The following GSG1L variants were observed in gnomAD, a reference collection of about 807,000 sequenced individuals.
The protein encoded by GSG1L is GSG1 like.
GSG1L carries 24 observed loss-of-function variants against 42.1 expected under a neutral mutation model. That is an observed-to-expected ratio of 0.57 (90% CI 0.41 to 0.80). GSG1L has a LOEUF of 0.80. Among genes scored for constraint, GSG1L ranks in the 30% least tolerant of loss-of-function variants. The probability of loss-of-function intolerance (pLI) is 0.00; values close to 1 mark genes in which losing one functional copy is unlikely to be tolerated. For missense variants in GSG1L, 445 were observed against 472.2 expected (o/e 0.94, Z 0.53); for synonymous variants, 215 against 203.5 (o/e 1.06, Z -0.48).
intron 1 of GSG1L, among the ~76,000 whole-genome samples, chr16:27,985,793 A>C (rs2085375462): frequency 6.6e-6 from 1 of 152,224 alleles, no homozygotes; most frequent in Non-Finnish European, 1.5e-5. Context: ...AGATCGCACC[A>C]TTGCACTCCA....
chr16:27,892,602 A>G (rs560043535), intron 2 of GSG1L, among the ~76,000 whole-genome samples: 38 of 152,092 alleles, frequency 2.5e-4, no homozygotes, highest in African/African-American at 7.2e-4. Flanking sequence ...CGTCTCTACT[A>G]AAAATACAGA....
At chr16:27,883,489 C>T (rs12930539) in intron 3 of GSG1L, among the ~76,000 whole-genome samples, 92,809 of 152,026 alleles carry the variant, frequency 0.61, 28,870 homozygotes, top group Admixed American at 0.73. Flanking sequence ...TGTGCTCTAA[C>T]TTCTTGAATG....
intron 3 of GSG1L, among the ~76,000 whole-genome samples, chr16:27,882,940 T>TA (rs201507337): frequency 1.4e-4 from 22 of 151,858 alleles, no homozygotes; most frequent in Non-Finnish European, 2.1e-4. Context: ...ACCCTATCTC[T>TA]AAAAAAAATT....
intron 2 of GSG1L, among the ~76,000 whole-genome samples, chr16:27,947,418 A>AAGAAAGAAAGAAAGAG (rs1567530573): frequency 2.0e-5 from 3 of 148,904 alleles, no homozygotes; most frequent in African/African-American, 7.6e-5. Flanking sequence ...GAAAGAAAGA[A>AAGAAAGAAAGAAAGAG]AGAAAGAAAG....
At position 28,063,300 on chromosome 16, in the gene GSG1L, G is replaced by T. The variant is rs1256603766; in HGVS notation, c.125C>A (p.Pro42Gln). 2 of 1,383,676 alleles carry T rather than the reference G, an allele frequency of 1.4e-6. No individual in the cohort carries two copies. Among genetic ancestry groups the T allele is most frequent in the Non-Finnish European group, 1.9e-6 (2 of 1,059,874 alleles). 85.7% of individuals were successfully genotyped at this position (1,383,676 alleles called of 1,614,324 possible). Residue 42 changes from proline (P) to glutamine (Q), a missense_variant, in exon 1 of 7, where the codon CCG becomes CAG. Coordinates refer to ENST00000447459, the MANE Select transcript of GSG1L (RefSeq NM_001109763.2). The surrounding 1 kb of genome is among the most constrained non-coding windows in gnomAD (Gnocchi z 5.8). ...WCQGTQRVPKPGCGQGGRANC... is the reference protein window; with the variant it reads ...WCQGTQRVPKQGCGQGGRANC... ...GGCGCGCCCGCCCTGGCCGCAGCCC[G>T]GCTTGGGGACCCGCTGCGTGCCCTG...
At chr16:28,027,184 T>C (rs1021252897) in intron 1 of GSG1L, among the ~76,000 whole-genome samples, 1 of 152,166 alleles carries the variant, frequency 6.6e-6, no homozygotes, top group Non-Finnish European at 1.5e-5. Flanking sequence ...TCCCCTATTC[T>C]GGAAACATAT....
Position 27,794,276 on chromosome 16 carries a change from C to T in GSG1L, c.899-2809G>A, listed in dbSNP as rs537433613. ...CAGGTTATCTTCCCGCCTCAGCCTC[C>T]CAAAGCCCTGGAATTACAGGTGTGA... On this transcript the variant is annotated intron_variant, in intron 6 of 6. Transcript: ENST00000447459. Among the ~76,000 whole-genome samples the T allele has an allele frequency of 1.7e-3, 255 of 152,222 alleles. No individual in the cohort carries two copies. In the Middle Eastern group the frequency reaches 0.02, roughly 12 times the overall value.
intron 2 of GSG1L, among the ~76,000 whole-genome samples, chr16:27,946,460 G>C (rs367604446): frequency 3.3e-5 from 5 of 151,136 alleles, no homozygotes; most frequent in Non-Finnish European, 5.9e-5. Flanking sequence ...CAAAAGAATC[G>C]CTTGAGCCCA....
chr16:28,029,055 G>T (rs1018617343), intron 1 of GSG1L, among the ~76,000 whole-genome samples: 4 of 152,182 alleles, frequency 2.6e-5, no homozygotes, highest in African/African-American at 7.2e-5. Flanking sequence ...CCTAACACGG[G>T]ATCAGGAGCT....
chr16:27,945,792 C>T (rs777837515), intron 2 of GSG1L, among the ~76,000 whole-genome samples: 5 of 152,228 alleles, frequency 3.3e-5, no homozygotes, highest in Non-Finnish European at 5.9e-5. Flanking sequence ...CTCTGCTCCC[C>T]GTGCAGGCTG....
rs757240668 is a variant in GSG1L, at chr16:28,063,047, C to A, written c.349+29G>T. 4.3e-6 allele frequency: 6 copies of A among 1,384,330 alleles called. No homozygotes were observed. Among genetic ancestry groups the A allele is most frequent in the Admixed American group, 2.8e-5 (1 of 35,112 alleles). 85.8% of individuals were successfully genotyped at this position (1,384,330 alleles called of 1,614,324 possible). A position where few individuals can be genotyped will look rare whatever the true frequency, so the allele number is the denominator to read the frequency against. On this transcript the variant is annotated intron_variant, in intron 1 of 6. Transcript: ENST00000447459. The surrounding 1 kb of genome is among the most constrained non-coding windows in gnomAD (Gnocchi z 5.8). Reference sequence around the variant, plus strand: ...CGCGCCGCCCCGGGGGAGCCGGAGCCGAGCTGGCCGCCGCCCGCGCGCACT... The same window carrying A: ...CGCGCCGCCCCGGGGGAGCCGGAGCAGAGCTGGCCGCCGCCCGCGCGCACT...
chr16:27,961,981 G>T (rs577915706), intron 2 of GSG1L, among the ~76,000 whole-genome samples: 1 of 152,144 alleles, frequency 6.6e-6, no homozygotes, highest in Non-Finnish European at 1.5e-5. Flanking sequence ...CAGGACACAT[G>T]GTGCCCTTCT....
Position 28,046,322 on chromosome 16 carries a change from A to C in GSG1L, c.349+16754T>G, listed in dbSNP as rs532423995. Among the ~76,000 whole-genome samples, 26 of 142,238 alleles carry C rather than the reference A, an allele frequency of 1.8e-4. No individual in the cohort carries two copies. In the East Asian group the frequency reaches 4.7e-3, roughly 26 times the overall value. 93.3% of individuals were successfully genotyped at this position (142,238 alleles called of 152,430 possible). A position where few individuals can be genotyped will look rare whatever the true frequency, so the allele number is the denominator to read the frequency against. On this transcript the variant is annotated intron_variant, in intron 1 of 6. Coordinates refer to ENST00000447459, the MANE Select transcript of GSG1L (RefSeq NM_001109763.2). ...AAGCACTGGGGAGTGTGCCACATGC[A>C]TTGAGGAGGAAGTCCACTCTTTTTT...
intron 1 of GSG1L, among the ~76,000 whole-genome samples, chr16:28,029,587 G>A (rs1328551566): frequency 2.0e-5 from 3 of 152,086 alleles, no homozygotes; most frequent in African/African-American, 7.2e-5. Context: ...ATGGATGCAT[G>A]GGTGGATGGA....
intron 3 of GSG1L, among the ~76,000 whole-genome samples, chr16:27,873,998 C>T (rs749134462): frequency 6.6e-6 from 1 of 152,174 alleles, no homozygotes; most frequent in Admixed American, 6.5e-5. Flanking sequence ...GTGTCAATGG[C>T]TCTAGTTGCC....
chr16:28,036,993 A>G (rs1285530680), intron 1 of GSG1L, among the ~76,000 whole-genome samples: 1 of 148,304 alleles, frequency 6.7e-6, no homozygotes, highest in Non-Finnish European at 1.5e-5. Flanking sequence ...CACAGGGACA[A>G]CTTTATCTTT....
intron 3 of GSG1L, among the ~76,000 whole-genome samples, chr16:27,876,205 G>A (rs1394801920): frequency 1.3e-5 from 2 of 152,188 alleles, no homozygotes; most frequent in African/African-American, 4.8e-5. Flanking sequence ...CTGAACAGAA[G>A]GGGTTATGGG....
chr16:27,986,854 G>A (rs11488912), intron 1 of GSG1L, among the ~76,000 whole-genome samples: 5,771 of 152,302 alleles, frequency 0.038, 358 homozygotes, highest in African/African-American at 0.13. Flanking sequence ...TTTGTTAATG[G>A]GCTCCGCCCT....
At chr16:27,804,521 G>T (rs1281660165) in intron 6 of GSG1L, among the ~76,000 whole-genome samples, 1 of 151,558 alleles carries the variant, frequency 6.6e-6, no homozygotes, top group African/African-American at 2.4e-5. Flanking sequence ...CTCAGACTGT[G>T]AGTCCCTGAG....
Sources: gnomAD v4.1 joint callset for allele counts (sites outside exome capture counted in the v4.1 genomes callset) on GRCh38, gnomAD v4.1.1 for gene constraint, Gnocchi (gnomAD v3.1) non-coding constraint, MANE v1.5 for transcripts, NCBI Gene and HGNC (gene_info 2026-07-23, HGNC 2026-07-21) for gene names.